PPARGC1A: variants seen among roughly 807,000 people sequenced by gnomAD.
PPARGC1A encodes PPARG coactivator 1 alpha.
A neutral mutation model predicts 88.7 loss-of-function variants in PPARGC1A; 25 were observed. That is an observed-to-expected ratio of 0.28 (90% CI 0.21 to 0.39). PPARGC1A has a LOEUF of 0.39. Ranked by LOEUF, PPARGC1A falls within the 10% of genes least tolerant of loss-of-function variation. PPARGC1A has a pLI of 1.00. For synonymous variants in PPARGC1A, 363 were observed against 355.6 expected (o/e 1.02, Z -0.24); for missense variants, 880 against 968.7 (o/e 0.91, Z 1.22).
At chr4:24,007,267 A>G in the PPARGC1A span, among the ~76,000 whole-genome samples, 8 of 151,954 alleles carry the variant, frequency 5.3e-5, no homozygotes, top group African/African-American at 9.7e-5. Flanking sequence ...TCATTCTTTT[A>G]TTCTTTCCTT....
the PPARGC1A span, among the ~76,000 whole-genome samples, chr4:23,967,993 A>G: frequency 6.6e-6 from 1 of 152,204 alleles, no homozygotes; most frequent in South Asian, 2.1e-4. Flanking sequence ...TTCAAGCCCT[A>G]GAAACAACAG....
chr4:23,875,506 C>T (rs1258729540), intron 2 of PPARGC1A, among the ~76,000 whole-genome samples: 2 of 151,768 alleles, frequency 1.3e-5, no homozygotes, highest in Non-Finnish European at 2.9e-5. Flanking sequence ...ATCCAACCTA[C>T]GAGATAACAT....
the PPARGC1A span, among the ~76,000 whole-genome samples, chr4:23,926,100 CA>C: frequency 6.6e-6 from 1 of 152,150 alleles, no homozygotes; most frequent in African/African-American, 2.4e-5. Context: ...ATTCTGTTTT[CA>C]GCCCACTTTG....
At chr4:24,341,828 G>C in the PPARGC1A span, among the ~76,000 whole-genome samples, 1 of 152,190 alleles carries the variant, frequency 6.6e-6, no homozygotes, top group African/African-American at 2.4e-5. Context: ...CACAGAGAAA[G>C]TGTCTCGCTC....
the PPARGC1A span, among the ~76,000 whole-genome samples, chr4:24,150,121 T>C: frequency 6.6e-6 from 1 of 152,090 alleles, no homozygotes; most frequent in Non-Finnish European, 1.5e-5. Context: ...AACAAATCAG[T>C]AGTGCAAACA....
the PPARGC1A span, among the ~76,000 whole-genome samples, chr4:24,218,574 AT>A: frequency 0.029 from 4,467 of 152,358 alleles, 240 homozygotes; most frequent in African/African-American, 0.1. Flanking sequence ...TCAAAAAGGC[AT>A]TCAAATGTTG....
the PPARGC1A span, among the ~76,000 whole-genome samples, chr4:24,186,828 A>T: frequency 2.4e-4 from 36 of 152,216 alleles, 2 homozygotes; most frequent in African/African-American, 8.4e-4. Flanking sequence ...AAATGAAAAT[A>T]AAAAAATTAA....
At chr4:24,172,990 T>C in the PPARGC1A span, among the ~76,000 whole-genome samples, 1 of 152,188 alleles carries the variant, frequency 6.6e-6, no homozygotes, top group Non-Finnish European at 1.5e-5. Context: ...CAACCAACCA[T>C]TACTTTTCGA....
the PPARGC1A span, among the ~76,000 whole-genome samples, chr4:24,282,756 C>CT: frequency 5.3e-5 from 8 of 152,218 alleles, no homozygotes; most frequent in Non-Finnish European, 7.3e-5. Flanking sequence ...AAACTTTTAC[C>CT]TTTTTTTCCA....
At chr4:23,913,554 C>A in the PPARGC1A span, among the ~76,000 whole-genome samples, 5 of 151,918 alleles carry the variant, frequency 3.3e-5, no homozygotes, top group African/African-American at 1.2e-4. Context: ...ATTTCAAAAC[C>A]AAATCTAGCA....
At chr4:24,271,234 C>T in the PPARGC1A span, among the ~76,000 whole-genome samples, 1 of 152,150 alleles carries the variant, frequency 6.6e-6, no homozygotes, top group African/African-American at 2.4e-5. Flanking sequence ...GCAGCCCTTC[C>T]ATGCAGCCCT....
the PPARGC1A span, among the ~76,000 whole-genome samples, chr4:24,029,349 A>G: frequency 1.3e-5 from 2 of 152,206 alleles, no homozygotes; most frequent in African/African-American, 4.8e-5. Context: ...TATGTCCAAC[A>G]TTATCCTATT....
chr4:23,821,899 T>G (rs190548703), intron 7 of PPARGC1A, among the ~76,000 whole-genome samples: 38 of 152,204 alleles, frequency 2.5e-4, no homozygotes, highest in African/African-American at 8.9e-4. Flanking sequence ...CTATGCCATC[T>G]GCTCTTTAAA....
At chr4:24,242,954 C>T in the PPARGC1A span, among the ~76,000 whole-genome samples, 1 of 152,168 alleles carries the variant, frequency 6.6e-6, no homozygotes, top group African/African-American at 2.4e-5. Context: ...TTTTTCCACT[C>T]AGCTGGAGTC....
the PPARGC1A span, among the ~76,000 whole-genome samples, chr4:24,321,759 G>A: frequency 6.6e-6 from 1 of 152,148 alleles, no homozygotes; most frequent in African/African-American, 2.4e-5. Context: ...CTCTGCAAAG[G>A]GCACTGCCAG....
the PPARGC1A span, among the ~76,000 whole-genome samples, chr4:24,163,915 A>G: frequency 6.6e-6 from 1 of 152,180 alleles, no homozygotes; most frequent in South Asian, 2.1e-4. Context: ...TTGAAATTCC[A>G]TTACTGTTAA....
chr4:24,206,469 G>A, the PPARGC1A span, among the ~76,000 whole-genome samples: 60 of 152,080 alleles, frequency 3.9e-4, no homozygotes, highest in African/African-American at 1.0e-3. Flanking sequence ...TAATATTTGC[G>A]CAGTATTGTC....
At chr4:24,346,853 T>C in the PPARGC1A span, among the ~76,000 whole-genome samples, 1 of 152,130 alleles carries the variant, frequency 6.6e-6, no homozygotes, top group Non-Finnish European at 1.5e-5. Context: ...TTCCTTGAGG[T>C]ATGACCTTAG....
the PPARGC1A span, chr4:24,091,504 GTCT>G: frequency 1.0e-6 from 1 of 985,352 alleles, no homozygotes; most frequent in Non-Finnish European, 1.2e-6. Flanking sequence ...CTTTTTTCCA[GTCT>G]TCTTCCAGCC....
Sources: allele counts gnomAD v4.1 joint callset (sites outside exome capture counted in the v4.1 genomes callset), GRCh38; gene constraint gnomAD v4.1.1; transcripts MANE v1.5; gene names NCBI Gene and HGNC (gene_info 2026-07-23, HGNC 2026-07-21).